SYT16: variants seen among roughly 807,000 people sequenced by gnomAD.
SYT16 encodes the protein synaptotagmin-16.
In SYT16, 42 loss-of-function variants were observed where a neutral mutation model predicts 61.4. The ratio of observed to expected loss-of-function variants is 0.68; its 90% CI spans 0.53 to 0.89. SYT16 has a LOEUF of 0.89. Ranked by LOEUF, SYT16 falls within the 40% of genes least tolerant of loss-of-function variation. The pLI is 0.00. For missense variants in SYT16, 804 were observed against 807.3 expected, an observed-to-expected ratio of 1.00 and a Z score of 0.05; for synonymous variants, 314 against 302.3, an observed-to-expected ratio of 1.04 and a Z score of -0.40.
rs375571563 is a variant in SYT16, at chr14:61,963,789, G to T, written c.-324-6343G>T. ...TGCCTGGCTTCAAACTTCAAAGGGC[G>T]AGCTGGCCCTGTTGGTAAGGGCTGA... On this transcript the variant is annotated intron_variant, in intron 1 of 7. Transcript: ENST00000683842. 1.5e-4 allele frequency among the ~76,000 whole-genome samples: 23 copies of T among 152,274 alleles called. No homozygotes were observed. In the East Asian group the frequency reaches 3.3e-3, roughly 22 times the overall value.
chr14:61,941,456 C>G (rs1398921235), intron 1 of SYT16, among the ~76,000 whole-genome samples: 32 of 152,138 alleles, frequency 2.1e-4, no homozygotes, highest in Admixed American at 2.1e-3. Context: ...ATTCGTAGCC[C>G]TCTCATTCTT....
intron 1 of SYT16, among the ~76,000 whole-genome samples, chr14:61,957,300 T>A (rs1046327616): frequency 7.9e-5 from 12 of 151,900 alleles, no homozygotes; most frequent in African/African-American, 2.9e-4. Flanking sequence ...TTGGATGACT[T>A]TTATTTCTTT....
chr14:61,929,110 T>C (rs2140421676), intron 1 of SYT16, among the ~76,000 whole-genome samples: 1 of 152,224 alleles, frequency 6.6e-6, no homozygotes, highest in South Asian at 2.1e-4. Flanking sequence ...AAAGGAAGAG[T>C]GATCCGGGGA....
intron 6 of SYT16, among the ~76,000 whole-genome samples, chr14:62,081,653 G>T (rs985302066): frequency 6.6e-6 from 1 of 152,182 alleles, no homozygotes; most frequent in Non-Finnish European, 1.5e-5. Context: ...TTCTTAACGG[G>T]TATGCTGGGG....
intron 1 of SYT16, among the ~76,000 whole-genome samples, chr14:61,943,618 C>A (rs1441044344): frequency 6.6e-6 from 1 of 152,176 alleles, no homozygotes; most frequent in Non-Finnish European, 1.5e-5. Flanking sequence ...ATAAACAGAA[C>A]TAGTGACAAA....
chr14:61,927,490 C>G (rs1474870991), intron 1 of SYT16, among the ~76,000 whole-genome samples: 1 of 152,190 alleles, frequency 6.6e-6, no homozygotes, highest in Non-Finnish European at 1.5e-5. Context: ...TAATTACTTA[C>G]AGTTTGACAG....
At chr14:62,074,693 G>A (rs2056420220) in intron 4 of SYT16, among the ~76,000 whole-genome samples, 1 of 152,106 alleles carries the variant, frequency 6.6e-6, no homozygotes, top group South Asian at 2.1e-4. Context: ...CTTTTTACTT[G>A]GTAGGATCAC....
chr14:62,029,756 T>C (rs2054241887), intron 3 of SYT16, among the ~76,000 whole-genome samples: 1 of 151,188 alleles, frequency 6.6e-6, no homozygotes, highest in Non-Finnish European at 1.5e-5. Flanking sequence ...CCCTCTGACC[T>C]CGCTTTTGAT....
chr14:61,959,922 C>G (rs932289771), intron 1 of SYT16, among the ~76,000 whole-genome samples: 6 of 152,072 alleles, frequency 3.9e-5, no homozygotes, highest in African/African-American at 1.4e-4. Flanking sequence ...CCTTGACCTC[C>G]TAGGCTCAAG....
intron 3 of SYT16, among the ~76,000 whole-genome samples, chr14:62,021,412 A>G (rs995698953): frequency 6.6e-6 from 1 of 151,952 alleles, no homozygotes; most frequent in African/African-American, 2.4e-5. Flanking sequence ...ACCTGGGCCC[A>G]GGCTCTATTC....
At chr14:61,959,837 G>A (rs1011009332) in intron 1 of SYT16, among the ~76,000 whole-genome samples, 1 of 151,750 alleles carries the variant, frequency 6.6e-6, no homozygotes. Context: ...TAGTTTTTTT[G>A]TGGGGCTCGG....
intron 5 of SYT16, among the ~76,000 whole-genome samples, chr14:62,076,903 C>G (rs576918944): frequency 6.6e-6 from 1 of 152,242 alleles, no homozygotes; most frequent in East Asian, 1.9e-4. Context: ...ATAGAAGACT[C>G]GGTATTGAGG....
At chr14:62,092,807 T>C (rs1206851317) in intron 7 of SYT16, among the ~76,000 whole-genome samples, 1 of 151,958 alleles carries the variant, frequency 6.6e-6, no homozygotes, top group Non-Finnish European at 1.5e-5. Context: ...AGATGGATGG[T>C]GGTGATTTTG....
At chr14:62,049,070 G>T (rs1455190553) in intron 3 of SYT16, among the ~76,000 whole-genome samples, 1 of 152,202 alleles carries the variant, frequency 6.6e-6, no homozygotes, top group Non-Finnish European at 1.5e-5. Context: ...AATGTTGACA[G>T]TGGGGTGTTA....
At chr14:61,814,087 T>C (rs563498871) in intron 1 of SYT16, among the ~76,000 whole-genome samples, 1 of 152,258 alleles carries the variant, frequency 6.6e-6, no homozygotes, top group South Asian at 2.1e-4. Context: ...ACAGGTGGCC[T>C]TCAGTAAATG....
intron 3 of SYT16, among the ~76,000 whole-genome samples, chr14:62,057,958 C>A (rs901818169): frequency 6.6e-6 from 1 of 152,144 alleles, no homozygotes; most frequent in Non-Finnish European, 1.5e-5. Context: ...CCACCCCAGG[C>A]AACCATGGAT....
At chr14:61,888,220 C>T (rs1432960865) in intron 1 of SYT16, among the ~76,000 whole-genome samples, 4 of 150,906 alleles carry the variant, frequency 2.7e-5, no homozygotes, top group African/African-American at 4.9e-5. Context: ...CACGTTCTAA[C>T]GATTCTCCTG....
At chr14:61,887,003 G>A (rs2047935659) in intron 1 of SYT16, among the ~76,000 whole-genome samples, 1 of 150,846 alleles carries the variant, frequency 6.6e-6, no homozygotes, top group South Asian at 2.1e-4. Flanking sequence ...GCCTCCCTGA[G>A]AGCTGGGATT....
chr14:62,037,534 GT>G (rs1015945864), intron 3 of SYT16, among the ~76,000 whole-genome samples: 4 of 152,070 alleles, frequency 2.6e-5, no homozygotes, highest in African/African-American at 7.2e-5. Context: ...AAACTGGAAT[GT>G]TTTTCTTGTC....
Sources: allele counts gnomAD v4.1 joint callset (sites outside exome capture counted in the v4.1 genomes callset), GRCh38; gene constraint gnomAD v4.1.1; transcripts MANE v1.5; gene names NCBI Gene and HGNC (gene_info 2026-07-23, HGNC 2026-07-21).